Variants in TLCD4 observed in about 807,000 individuals in gnomAD.
The protein encoded by TLCD4 is TLC domain containing 4, also known as TLC domain-containing protein 4.
A neutral mutation model predicts 24.2 loss-of-function variants in TLCD4; 7 were observed. The ratio of observed to expected loss-of-function variants is 0.29; its 90% CI spans 0.16 to 0.54. The LOEUF is 0.54. Among genes scored for constraint, TLCD4 ranks in the 20% least tolerant of loss-of-function variants. TLCD4 has a pLI of 0.95. For synonymous variants in TLCD4, 103 were observed against 106.4 expected, an observed-to-expected ratio of 0.97 and a Z score of 0.20; for missense variants, 259 against 313.9, an observed-to-expected ratio of 0.82 and a Z score of 1.32.
the TLCD4 span, among the ~76,000 whole-genome samples, chr1:95,111,315 A>T: frequency 7.2e-4 from 99 of 138,284 alleles, no homozygotes; most frequent in African/African-American, 2.4e-3. Flanking sequence ...AAACAAAACA[A>T]AACAAAAAAA....
chr1:95,157,595 C>T (rs1457828675), intron 5 of TLCD4, among the ~76,000 whole-genome samples: 1 of 152,212 alleles, frequency 6.6e-6, no homozygotes, highest in Non-Finnish European at 1.5e-5. Flanking sequence ...GCCAGTTGGG[C>T]AGTCTTGCTT....
chr1:95,180,916 A>AT (rs930858124), intron 6 of TLCD4, among the ~76,000 whole-genome samples: 49 of 152,214 alleles, frequency 3.2e-4, no homozygotes, highest in Middle Eastern at 3.4e-3. Flanking sequence ...ATAAAATACA[A>AT]TTTTTTCTTT....
intron 5 of TLCD4, among the ~76,000 whole-genome samples, chr1:95,158,383 A>G (rs1271552856): frequency 2.0e-5 from 3 of 151,124 alleles, no homozygotes; most frequent in South Asian, 2.1e-4. Context: ...GGGTCAGCCT[A>G]TGTTGCCCAG....
At chr1:95,120,767 C>T (rs12084387) in intron 1 of TLCD4, among the ~76,000 whole-genome samples, 9,840 of 152,174 alleles carry the variant, frequency 0.065, 488 homozygotes, top group East Asian at 0.2. Flanking sequence ...TACACTGAGA[C>T]CCAGGGCATA....
intron 5 of TLCD4, among the ~76,000 whole-genome samples, chr1:95,158,730 T>C (rs576549354): frequency 2.7e-4 from 39 of 145,418 alleles, no homozygotes; most frequent in African/African-American, 8.6e-4. Context: ...TATCGGTCAC[T>C]TCTCACCTAT....
At chr1:95,180,077 A>G (rs1678580278) in intron 6 of TLCD4, among the ~76,000 whole-genome samples, 2 of 152,204 alleles carry the variant, frequency 1.3e-5, no homozygotes, top group African/African-American at 4.8e-5. Context: ...TGCATGGTCC[A>G]GTGTCCACAC....
In TLCD4 at chr1:95,173,969, C is replaced by T. The variant is rs1050677614; in HGVS notation, c.473+80C>T. 3.8e-6 allele frequency: 6 copies of T among 1,565,238 alleles called. No individual in the cohort carries two copies. In the African/African-American group the frequency reaches 6.8e-5, roughly 18 times the overall value. On this transcript the variant is annotated intron_variant, in intron 6 of 6. Coordinates refer to ENST00000370203, the MANE Select transcript of TLCD4 (RefSeq NM_152487.3). ...GGGCAAATCCTTTTCCCGTGATCCT[C>T]AAGTTACTATATAAAAGATACGGAT...
chr1:95,151,459 G>C, intron 5 of TLCD4, 40 bp downstream of exon 5: 1 of 1,597,530 alleles, frequency 6.3e-7, no homozygotes, highest in Non-Finnish European at 8.5e-7. Context: ...TAGCAGACAA[G>C]ATTGGGAATA....
chr1:95,183,923 A>G (rs1678740253), intron 6 of TLCD4, among the ~76,000 whole-genome samples: 1 of 152,146 alleles, frequency 6.6e-6, no homozygotes, highest in Non-Finnish European at 1.5e-5. Context: ...TAATGAAGGA[A>G]TAATTTAGGA....
chr1:95,175,781 C>CT (rs893892124), intron 6 of TLCD4, among the ~76,000 whole-genome samples: 2,140 of 145,344 alleles, frequency 0.015, 68 homozygotes, highest in African/African-American at 0.049. Flanking sequence ...CTTTTCTTTT[C>CT]TTTTTTTTTT....
At chr1:95,155,855 A>G (rs1677618636) in intron 5 of TLCD4, among the ~76,000 whole-genome samples, 1 of 151,278 alleles carries the variant, frequency 6.6e-6, no homozygotes, top group African/African-American at 2.4e-5. Flanking sequence ...GGGATAGGGG[A>G]TAACAATAGG....
chr1:95,179,009 A>T (rs1678545744), intron 6 of TLCD4, among the ~76,000 whole-genome samples: 1 of 151,972 alleles, frequency 6.6e-6, no homozygotes, highest in South Asian at 2.1e-4. Flanking sequence ...ATCACCTCCT[A>T]ATATTTCTCA....
At chr1:95,189,845 G>A (rs1218703165) in intron 6 of TLCD4, among the ~76,000 whole-genome samples, 1 of 152,154 alleles carries the variant, frequency 6.6e-6, no homozygotes, top group Non-Finnish European at 1.5e-5. Context: ...CTTTTGTGTG[G>A]ACATACATTT....
At position 95,194,353 on chromosome 1, in the gene TLCD4, C is replaced by T. The variant is rs1191002020; in HGVS notation, c.*2485C>T. On this transcript the variant is annotated 3_prime_UTR_variant, in exon 7 of 7. Transcript: ENST00000370203. ...ACTGCCCTGCTACTTTTAAGTCTGA[C>T]CTTTGCAGGAGGTACACTTTGCTGT... is the stretch of plus-strand genomic sequence containing the variant. The T allele has an allele frequency of 6.6e-6, 1 of 152,064 alleles. No homozygotes were observed. Among genetic ancestry groups the T allele is most frequent in the East Asian group, 1.9e-4 (1 of 5,196 alleles). The allele number at this position is 152,064 out of a possible 1,614,324, so 9.4% of individuals were successfully genotyped here.
intron 6 of TLCD4, among the ~76,000 whole-genome samples, chr1:95,181,908 C>A (rs981895225): frequency 6.6e-6 from 1 of 152,102 alleles, no homozygotes; most frequent in Non-Finnish European, 1.5e-5. Context: ...TGTGAGCCAC[C>A]GCACCTGGCA....
At chr1:95,104,872 T>G in the TLCD4 span, among the ~76,000 whole-genome samples, 15 of 151,646 alleles carry the variant, frequency 9.9e-5, no homozygotes, top group African/African-American at 3.6e-4. Flanking sequence ...TACAAAAAAT[T>G]AGCTGGGCAT....
At chr1:95,108,528 T>C in the TLCD4 span, among the ~76,000 whole-genome samples, 1 of 152,180 alleles carries the variant, frequency 6.6e-6, no homozygotes, top group Non-Finnish European at 1.5e-5. Flanking sequence ...CTCACTATGT[T>C]GCCCAGGCTG....
chr1:95,129,924 G>A (rs1180070865), intron 1 of TLCD4, among the ~76,000 whole-genome samples: 2 of 152,048 alleles, frequency 1.3e-5, no homozygotes, highest in African/African-American at 4.8e-5. Context: ...CACGATAATG[G>A]TTCTTTAACT....
At chr1:95,116,098 G>C (rs568221683), upstream of TLCD4, among the ~76,000 whole-genome samples, 1 of 152,124 alleles carries the variant, frequency 6.6e-6, no homozygotes, top group Admixed American at 6.6e-5. Context: ...CGCATTTGGG[G>C]GCCTGAAAGA....
Sources: allele counts gnomAD v4.1 joint callset (sites outside exome capture counted in the v4.1 genomes callset), GRCh38; gene constraint gnomAD v4.1.1; transcripts MANE v1.5; gene names NCBI Gene and HGNC (gene_info 2026-07-23, HGNC 2026-07-21).